RBFOX1: variants seen among roughly 807,000 people sequenced by gnomAD.
RBFOX1 encodes RNA binding protein fox-1 homolog 1.
In RBFOX1, 8 loss-of-function variants were observed where a neutral mutation model predicts 57.7. That is an observed-to-expected ratio of 0.14 (90% CI 0.08 to 0.25). The LOEUF (loss-of-function observed/expected upper bound fraction) is 0.25, where lower values mean the gene tolerates loss of function less well. RBFOX1 is among the 10% of genes least tolerant of loss of function. RBFOX1 has a pLI of 1.00. For missense variants in RBFOX1, 611 were observed against 548.5 expected (o/e 1.11, Z -1.14); for synonymous variants, 326 against 222.4 (o/e 1.47, Z -4.15).
chr16:7,310,442 G>A (rs1355969764), intron 4 of RBFOX1, among the ~76,000 whole-genome samples: 2 of 152,170 alleles, frequency 1.3e-5, no homozygotes, highest in Non-Finnish European at 2.9e-5. Context: ...GTAGAGAGAA[G>A]GAGAAGATGT....
At position 7,319,623 on chromosome 16, in the gene RBFOX1, C is replaced by T. The variant is rs2096508011; in HGVS notation, c.28-198524C>T. On this transcript the variant is annotated intron_variant, in intron 4 of 15. Transcript: ENST00000550418. ...TTTTCCTGGGCCTCAGAAGAGATTT[C>T]AGCATCGAGGCGAGATTTAGAATGT... 2.0e-5 allele frequency among the ~76,000 whole-genome samples: 3 copies of T among 152,262 alleles called. No individual in the cohort carries two copies. The South Asian group carries it at 6.2e-4, about 32-fold the overall frequency.
intron 1 of RBFOX1, among the ~76,000 whole-genome samples, chr16:6,225,957 T>G (rs1487750454): frequency 2.6e-5 from 4 of 152,126 alleles, no homozygotes. Context: ...TAAGACAATC[T>G]TTTTCTAGGA....
At chr16:6,290,801 G>A (rs780463354) in intron 1 of RBFOX1, among the ~76,000 whole-genome samples, 6 of 152,102 alleles carry the variant, frequency 3.9e-5, no homozygotes, top group Non-Finnish European at 8.8e-5. Context: ...AGTTCTTCTT[G>A]ATACCAGAAA....
chr16:6,171,748 G>A (rs2096962134), intron 1 of RBFOX1, among the ~76,000 whole-genome samples: 1 of 152,162 alleles, frequency 6.6e-6, no homozygotes, highest in South Asian at 2.1e-4. Context: ...ATCTTCAGAT[G>A]AATAGTAAGA....
At chr16:6,650,587 C>G (rs1225836821) in intron 2 of RBFOX1, among the ~76,000 whole-genome samples, 1 of 152,208 alleles carries the variant, frequency 6.6e-6, no homozygotes, top group Non-Finnish European at 1.5e-5. Flanking sequence ...AGCACAGTTC[C>G]TGGCACGAAA....
At chr16:7,581,861 C>A (rs934017854) in intron 6 of RBFOX1, among the ~76,000 whole-genome samples, 2 of 152,122 alleles carry the variant, frequency 1.3e-5, no homozygotes, top group African/African-American at 4.8e-5. Flanking sequence ...CAGGCACAAG[C>A]CACCATGCTT....
intron 3 of RBFOX1, among the ~76,000 whole-genome samples, chr16:5,641,655 A>C (rs2048879938): frequency 6.6e-6 from 1 of 152,166 alleles, no homozygotes; most frequent in African/African-American, 2.4e-5. Context: ...CTGGGGAAGT[A>C]TGCTTGGGCA....
chr16:7,542,493 A>G (rs183057510), intron 5 of RBFOX1, among the ~76,000 whole-genome samples: 196 of 152,074 alleles, frequency 1.3e-3, no homozygotes, highest in Non-Finnish European at 2.5e-3. Context: ...AAAAACAGAG[A>G]GATAGAAAGA....
At chr16:6,048,594 A>G (rs546222786) in intron 1 of RBFOX1, among the ~76,000 whole-genome samples, 2 of 152,314 alleles carry the variant, frequency 1.3e-5, no homozygotes, top group South Asian at 4.1e-4. Context: ...CTTGGGCTCA[A>G]TAAATTCCCT....
intron 3 of RBFOX1, among the ~76,000 whole-genome samples, chr16:6,979,445 T>A (rs559895063): frequency 6.6e-6 from 1 of 152,200 alleles, no homozygotes; most frequent in Non-Finnish European, 1.5e-5. Context: ...CAGAAGAAAT[T>A]ACAGTGATTT....
intron 4 of RBFOX1, among the ~76,000 whole-genome samples, chr16:7,160,783 T>G: frequency 6.8e-6 from 1 of 147,496 alleles, no homozygotes; most frequent in African/African-American, 2.5e-5. Flanking sequence ...TCCCCCTTTT[T>G]TCTCCCTCCT....
intron 5 of RBFOX1, among the ~76,000 whole-genome samples, chr16:7,535,650 G>A (rs926033391): frequency 6.6e-6 from 1 of 152,128 alleles, no homozygotes; most frequent in Non-Finnish European, 1.5e-5. Context: ...TCCTTTGTAT[G>A]TTTTATATGT....
At chr16:6,173,593 C>G (rs968283178) in intron 1 of RBFOX1, among the ~76,000 whole-genome samples, 1 of 140,480 alleles carries the variant, frequency 7.1e-6, no homozygotes, top group Non-Finnish European at 1.5e-5. Context: ...GGAGTGGACA[C>G]TGACCACTCC....
intron 3 of RBFOX1, among the ~76,000 whole-genome samples, chr16:6,826,478 A>C (rs2092151933): frequency 6.6e-6 from 1 of 152,164 alleles, no homozygotes; most frequent in Non-Finnish European, 1.5e-5. Context: ...ATGAGAAAAT[A>C]ACCTAGAACA....
intron 5 of RBFOX1, among the ~76,000 whole-genome samples, chr16:7,573,352 C>T (rs1410934927): frequency 3.9e-5 from 6 of 152,144 alleles, no homozygotes; most frequent in African/African-American, 9.7e-5. Flanking sequence ...GAGCCAATGA[C>T]GATCCAGGTT....
At chr16:5,890,327 T>C (rs1409207139) in intron 4 of RBFOX1, among the ~76,000 whole-genome samples, 1 of 152,148 alleles carries the variant, frequency 6.6e-6, no homozygotes, top group Non-Finnish European at 1.5e-5. Flanking sequence ...CCCCACCACG[T>C]AGTGAAGCTA....
chr16:6,479,198 A>T (rs2095330971), intron 2 of RBFOX1, among the ~76,000 whole-genome samples: 1 of 152,200 alleles, frequency 6.6e-6, no homozygotes, highest in South Asian at 2.1e-4. Flanking sequence ...GTAGTTTATA[A>T]AGAAAAGAAG....
intron 5 of RBFOX1, among the ~76,000 whole-genome samples, chr16:7,525,249 C>T (rs1001500791): frequency 1.3e-5 from 2 of 152,066 alleles, no homozygotes; most frequent in Non-Finnish European, 2.9e-5. Flanking sequence ...CTTTATATCT[C>T]AGAGATTATT....
intron 4 of RBFOX1, among the ~76,000 whole-genome samples, chr16:7,507,546 AT>A (rs1212540548): frequency 1.3e-4 from 14 of 109,712 alleles, no homozygotes; most frequent in East Asian, 4.6e-4. Context: ...TTGGAACGTG[AT>A]TTTTTTTTTC....
Sources: allele counts gnomAD v4.1 joint callset (sites outside exome capture counted in the v4.1 genomes callset), GRCh38; gene constraint gnomAD v4.1.1; transcripts MANE v1.5; gene names NCBI Gene and HGNC (gene_info 2026-07-23, HGNC 2026-07-21).